The following CACNA1G variants were observed in gnomAD, a reference collection of about 807,000 sequenced individuals.
CACNA1G encodes calcium voltage-gated channel subunit alpha1 G, also known as voltage-dependent T-type calcium channel subunit alpha-1G.
Under a neutral mutation model 219.4 loss-of-function variants are expected in CACNA1G, and 67 were observed. That is an observed-to-expected ratio of 0.31 (90% CI 0.25 to 0.37). CACNA1G has a LOEUF of 0.37. Among genes scored for constraint, CACNA1G ranks in the 10% least tolerant of loss-of-function variants. The probability of loss-of-function intolerance (pLI) is 1.00; values close to 1 mark genes in which losing one functional copy is unlikely to be tolerated. For missense variants in CACNA1G, 2,380 were observed against 3,231.4 expected (o/e 0.74, Z 6.39); for synonymous variants, 1,296 against 1,345.3 (o/e 0.96, Z 0.80).
chr17:50,616,057 A>C (rs557228358), intron 27 of CACNA1G, among the ~76,000 whole-genome samples: 7 of 152,174 alleles, frequency 4.6e-5, no homozygotes, highest in Non-Finnish European at 1.0e-4. Flanking sequence ...AAGGAGAAAG[A>C]TCCTTTAGCA....
rs1323251893 is a variant in CACNA1G at position 50,617,217 on chromosome 17, A to G, written c.5022-221A>G. ...AAATTAAAAATAAAAGCAAATGAAT[A>G]CAAATGAAAAGCAGAGGCTTTTGAG... On this transcript the variant is annotated intron_variant, in intron 28 of 37. Transcript: ENST00000359106. The surrounding 1 kb of genome is among the most constrained non-coding windows in gnomAD (Gnocchi z 5.8). Among the ~76,000 whole-genome samples, 4 of 152,250 alleles carry G rather than the reference A, an allele frequency of 2.6e-5. No homozygotes were observed. Among genetic ancestry groups the G allele is most frequent in the Admixed American group, 2.0e-4 (3 of 15,284 alleles).
At chr17:50,606,094 T>C in intron 23 of CACNA1G, 71 bp downstream of exon 23, 2 of 1,597,610 alleles carry the variant, frequency 1.3e-6, no homozygotes, top group Non-Finnish European at 1.7e-6. Flanking sequence ...TGCTTAGTGA[T>C]ACCTGCTGAC....
chr17:50,596,754 A>G lies in CACNA1G; in HGVS notation c.3089A>G (p.Glu1030Gly). The G allele has an allele frequency of 6.2e-7, 1 of 1,613,248 alleles. No individual in the cohort carries two copies. Among genetic ancestry groups the G allele is most frequent in the Non-Finnish European group, 8.5e-7 (1 of 1,179,800 alleles). ...GTGGTGTCCCTGGGAGAGCACCCGG[A>G]GCTGCGGAAGAGCCTGCTGCCGCCT... is the stretch of plus-strand genomic sequence containing the variant. ...LALVSLGEHP[E>G]LRKSLLPPLI... Residue 1030 changes from glutamate (E) to glycine (G), a missense_variant, in exon 16 of 38, where the codon GAG becomes GGG. By Grantham distance (98) the Glu-to-Gly change is moderately conservative (BLOSUM62 -2). Around this residue, in one of 17 missense-constraint regions of CACNA1G, gnomAD observed 418 missense variants for 434.3 expected, o/e 0.96. Coordinates refer to ENST00000359106, the MANE Select transcript of CACNA1G (RefSeq NM_018896.5). The surrounding 1 kb of genome is among the most constrained non-coding windows in gnomAD (Gnocchi z 4.8).
chr17:50,605,684 C>A (rs554200332), intron 22 of CACNA1G, among the ~76,000 whole-genome samples: 1 of 152,194 alleles, frequency 6.6e-6, no homozygotes, highest in Non-Finnish European at 1.5e-5. Flanking sequence ...TCCCACTGCC[C>A]GCCCCGATTA....
intron 6 of CACNA1G, 23 bp from the exon 7 acceptor site, chr17:50,572,998 G>A (rs774182448): frequency 1.3e-6 from 2 of 1,571,222 alleles, no homozygotes; most frequent in South Asian, 1.2e-5. Context: ...CCCATAGTCA[G>A]CCTGCCCCTC....
intron 23 of CACNA1G, 49 bp downstream of exon 23, chr17:50,606,072 G>A (rs1282436478): frequency 1.9e-6 from 3 of 1,613,282 alleles, no homozygotes; most frequent in Non-Finnish European, 2.5e-6. Context: ...GGCTGGAGGG[G>A]GCACAGGGCC....
At chr17:50,577,327 G>C (rs1279792659) in intron 8 of CACNA1G, among the ~76,000 whole-genome samples, 3 of 151,896 alleles carry the variant, frequency 2.0e-5, no homozygotes, top group Non-Finnish European at 2.9e-5. Flanking sequence ...CCCTGAGCGG[G>C]GGGCTTCCAC....
At position 50,572,614 on chromosome 17, in the gene CACNA1G, C is replaced by A; in HGVS notation, c.807C>A (p.Phe269Leu). The A allele has an allele frequency of 6.3e-7, 1 of 1,593,010 alleles. No homozygotes were observed. Among genetic ancestry groups the A allele is most frequent in the East Asian group, 2.3e-5 (1 of 43,628 alleles). ...YQTENEDESP[F>L]ICSQPRENGM... ...CAGAGAACGAGGATGAGAGCCCCTTCATCTGCTCCCAGCCACGCGAGAACG... is the reference window on the plus strand; with the variant it reads ...CAGAGAACGAGGATGAGAGCCCCTTAATCTGCTCCCAGCCACGCGAGAACG... The change falls in exon 6 of 38, where the codon TTC becomes TTA. Residue 269 changes from phenylalanine (F) to leucine (L), a missense_variant. By Grantham distance (22) the Phe-to-Leu change is conservative. Coordinates refer to ENST00000359106, the MANE Select transcript of CACNA1G (RefSeq NM_018896.5).
At position 50,576,225 on chromosome 17, in the gene CACNA1G, T is replaced by C. The variant is rs752882458; in HGVS notation, c.1823T>C (p.Val608Ala). Residue 608 changes from valine to alanine, a missense_variant, in exon 8 of 38, where the codon GTA becomes GCA. Val to Ala is a moderately conservative substitution (Grantham distance 64). Coordinates refer to ENST00000359106, the MANE Select transcript of CACNA1G (RefSeq NM_018896.5). ...GAGACGCTGAAGGAGAAGGCACTAG[T>C]AGAGGTGGCTGCCAGCTCTGGGCCC... ...PPETLKEKAL[V>A]EVAASSGPPT... 4 of 1,605,806 alleles carry C rather than the reference T, an allele frequency of 2.5e-6. No homozygotes were observed. Among genetic ancestry groups the C allele is most frequent in the Non-Finnish European group, 3.4e-6 (4 of 1,176,968 alleles).
intron 9 of CACNA1G, among the ~76,000 whole-genome samples, chr17:50,581,740 G>T (rs1840663206): frequency 6.6e-6 from 1 of 152,232 alleles, no homozygotes; most frequent in African/African-American, 2.4e-5. Flanking sequence ...AGACTGAGGA[G>T]AGAGCAAGAA....
At chr17:50,589,509 C>T (rs1324901087) in intron 9 of CACNA1G, among the ~76,000 whole-genome samples, 2 of 152,148 alleles carry the variant, frequency 1.3e-5, no homozygotes, top group Non-Finnish European at 2.9e-5. Context: ...GTGTGGCTGG[C>T]ATGTTTTTGC....
chr17:50,616,366 G>T lies in CACNA1G; in HGVS notation c.5003G>T (p.Arg1668Leu). Residue 1668 changes from arginine to leucine, a missense_variant, in exon 28 of 38, where the codon CGT becomes CTT. Around this residue, in one of 17 missense-constraint regions of CACNA1G, gnomAD observed 123 missense variants for 258.4 expected, o/e 0.48. Coordinates refer to ENST00000359106, the MANE Select transcript of CACNA1G (RefSeq NM_018896.5). ...SVFKLVAFGF[R>L]RFFQDRWNQL... The stretch of plus-strand genomic sequence containing the variant: ...TTCAAACTTGTGGCCTTTGGTTTCC[G>T]TCGGTTCTTCCAGGACAGGTAACGG... The T allele has an allele frequency of 6.2e-7, 1 of 1,611,338 alleles. No homozygotes were observed. Among genetic ancestry groups the T allele is most frequent in the Non-Finnish European group, 8.5e-7 (1 of 1,177,568 alleles).
chr17:50,609,605 G>A (rs531577457), intron 25 of CACNA1G, among the ~76,000 whole-genome samples: 35 of 152,264 alleles, frequency 2.3e-4, no homozygotes, highest in African/African-American at 6.5e-4. Flanking sequence ...AGGCCACAAC[G>A]CAGGAGAAGC....
chr17:50,624,116 GA>G, intron 36 of CACNA1G, 41 bp downstream of exon 36: 7 of 1,594,126 alleles, frequency 4.4e-6, no homozygotes, highest in Non-Finnish European at 6.0e-6. Context: ...CACACAGGGA[GA>G]TTCCATCCTG....
chr17:50,603,892 C>A lies in CACNA1G; in HGVS notation c.4170-263C>A, dbSNP rs1274362174. Among the ~76,000 whole-genome samples, 1 of 152,168 alleles carries A rather than the reference C, an allele frequency of 6.6e-6. No individual in the cohort carries two copies. The highest frequency in any genetic ancestry group is 1.5e-5 in the Non-Finnish European group (1 of 68,032). ...ACGCCTCACTTGAGTTGAATCCTCC[C>A]CACTCCCAACCCAAACAGGTCGTAC... is the stretch of plus-strand genomic sequence containing the variant. On this transcript the variant is annotated intron_variant, in intron 21 of 37. Transcript: ENST00000359106. The surrounding 1 kb of genome is among the most constrained non-coding windows in gnomAD (Gnocchi z 6.4).
Position 50,571,813 on chromosome 17 carries a change from C to A in CACNA1G, c.587-65C>A. The A allele has an allele frequency of 1.3e-6, 2 of 1,571,894 alleles. No homozygotes were observed. The highest frequency in any genetic ancestry group is 1.7e-6 in the Non-Finnish European group (2 of 1,149,988). ...GGTGGGGCCCCTCCGGGAGTGCTGC[C>A]GGGCCGTGGCAGTCAGCCTAGCCCG... On this transcript the variant is annotated intron_variant, in intron 4 of 37. Coordinates refer to ENST00000359106, the MANE Select transcript of CACNA1G (RefSeq NM_018896.5). The surrounding 1 kb of genome is among the most constrained non-coding windows in gnomAD (Gnocchi z 4.3).
rs1326849153 is a variant in CACNA1G at position 50,595,013 on chromosome 17, T to C, written c.2931T>C (p.Asp977=). 6.4e-7 allele frequency: 1 copy of C among 1,554,742 alleles called. No homozygotes were observed. The highest frequency in any genetic ancestry group is 2.4e-5 in the East Asian group (1 of 41,204). ...FQAEEISKRE[D]ASGQLSCIQL... ...TGTAGGAAATCAGCAAACGGGAAGATGCGAGTGGACAGTTAAGCTGTATTC... is the reference window on the plus strand; with the variant it reads ...TGTAGGAAATCAGCAAACGGGAAGACGCGAGTGGACAGTTAAGCTGTATTC... Residue 977 remains aspartate (D), a synonymous_variant, in exon 14 of 38, where the codon GAT becomes GAC. Transcript: ENST00000359106.
intron 25 of CACNA1G, 56 bp from the exon 26 acceptor site, chr17:50,609,826 C>T: frequency 1.9e-6 from 3 of 1,541,828 alleles, no homozygotes. Context: ...CCCTGAGGGG[C>T]CCTGCCCAGC....
At chr17:50,569,059 A>C (rs2038759199) in intron 2 of CACNA1G, 78 bp downstream of exon 2, 2 of 1,528,970 alleles carry the variant, frequency 1.3e-6, no homozygotes, top group Non-Finnish European at 1.8e-6. Flanking sequence ...AATACCCTCT[A>C]CTCCTCTGCA....
Sources: gnomAD v4.1 joint callset for allele counts (sites outside exome capture counted in the v4.1 genomes callset) on GRCh38, gnomAD v4.1.1 for gene constraint, gnomAD v4.1.1 regional missense constraint, Gnocchi (gnomAD v3.1) non-coding constraint, MANE v1.5 for transcripts, NCBI Gene and HGNC (gene_info 2026-07-23, HGNC 2026-07-21) for gene names.